Variants in CALCRL observed in about 807,000 individuals in gnomAD.
CALCRL encodes the protein calcitonin gene-related peptide type 1 receptor.
Under a neutral mutation model 60.4 loss-of-function variants are expected in CALCRL, and 27 were observed. The observed-to-expected ratio is 0.45, with a 90% CI of 0.33 to 0.62. CALCRL has a LOEUF of 0.62. Among genes scored for constraint, CALCRL ranks in the 20% least tolerant of loss-of-function variants. The pLI is 0.03. For missense variants in CALCRL, 424 were observed against 540.7 expected, an observed-to-expected ratio of 0.78 and a Z score of 2.14; for synonymous variants, 190 against 182.6, an observed-to-expected ratio of 1.04 and a Z score of -0.33.
intron 9 of CALCRL, among the ~76,000 whole-genome samples, chr2:187,361,635 AG>A (rs1188502827): frequency 6.6e-6 from 1 of 152,032 alleles, no homozygotes; most frequent in Non-Finnish European, 1.5e-5. Context: ...GCATCTGCAT[AG>A]GAGTCAGCCT....
rs1686266683 is a variant in CALCRL, at chr2:187,346,311, G to A, written c.1259C>T (p.Ser420Phe). The change falls in exon 15 of 15, where the codon TCT becomes TTT. Residue 420 changes from serine (S) to phenylalanine (F), a missense_variant. Physicochemically the swap from Ser to Phe is radical, Grantham distance 155. Transcript: ENST00000392370. ...FSNSEALRSASYTVSTISDGP... is the reference protein window; with the variant it reads ...FSNSEALRSAFYTVSTISDGP... ...ATCACTGATTGTTGACACTGTGTAAGACGCACTACGAAGAGCTTCTGAGTT... is the reference window on the plus strand; with the variant it reads ...ATCACTGATTGTTGACACTGTGTAAAACGCACTACGAAGAGCTTCTGAGTT... 2 of 1,612,416 alleles carry A rather than the reference G, an allele frequency of 1.2e-6. No individual in the cohort carries two copies. Among genetic ancestry groups the A allele is most frequent in the African/African-American group, 1.3e-5 (1 of 74,806 alleles).
rs918528011 is a variant in CALCRL at position 187,345,929 on chromosome 2, T to C, written c.*255A>G. On this transcript the variant is annotated 3_prime_UTR_variant, in exon 15 of 15. Coordinates refer to ENST00000392370, the MANE Select transcript of CALCRL (RefSeq NM_005795.6). ...TGCTTTTCTCCAATTCCACACTTGG[T>C]GATGTCAGGTTAGTAGCGTCACATC... 9.8e-6 allele frequency: 3 copies of C among 304,818 alleles called. No individual in the cohort carries two copies. Among genetic ancestry groups the C allele is most frequent in the Middle Eastern group, 9.1e-4 (1 of 1,094 alleles). The allele number at this position is 304,818 out of a possible 1,614,324, so 18.9% of individuals were successfully genotyped here. A position where few individuals can be genotyped will look rare whatever the true frequency, so the allele number is the denominator to read the frequency against.
Position 187,343,108 on chromosome 2 carries a change from C to A in CALCRL, c.*3076G>T, listed in dbSNP as rs533412187. ...AGTTGGATTTTTTTAGTTTGAAAAA[C>A]AAATCATGACTTTTTCTTAATTGGT... On this transcript the variant is annotated 3_prime_UTR_variant, in exon 15 of 15. Transcript: ENST00000392370. The A allele has an allele frequency of 3.3e-5, 5 of 151,330 alleles. No homozygotes were observed. In the East Asian group the frequency reaches 9.7e-4, roughly 29 times the overall value. The allele number at this position is 151,330 out of a possible 1,614,324, so 9.4% of individuals were successfully genotyped here.
At chr2:187,349,400 C>T (rs1175085745) in intron 14 of CALCRL, among the ~76,000 whole-genome samples, 1 of 151,450 alleles carries the variant, frequency 6.6e-6, no homozygotes, top group African/African-American at 2.4e-5. Flanking sequence ...ATGTGGAAAA[C>T]AAGAAGGAAA....
chr2:187,382,844 A>T (rs1688035971), intron 5 of CALCRL, among the ~76,000 whole-genome samples: 1 of 152,130 alleles, frequency 6.6e-6, no homozygotes, highest in South Asian at 2.1e-4. Flanking sequence ...TAAAAAAAAA[A>T]GAAATACACA....
chr2:187,438,526 A>G (rs986071953), intron 1 of CALCRL, among the ~76,000 whole-genome samples: 8 of 151,900 alleles, frequency 5.3e-5, no homozygotes, highest in Non-Finnish European at 8.8e-5. Flanking sequence ...CTTTCCCTCA[A>G]TTTCATTGCT....
At chr2:187,373,712 AT>A (rs1687627281) in intron 8 of CALCRL, among the ~76,000 whole-genome samples, 1 of 152,228 alleles carries the variant, frequency 6.6e-6, no homozygotes, top group Non-Finnish European at 1.5e-5. Context: ...CACTGCCATT[AT>A]CTCAGCCTTT....
chr2:187,397,272 T>TA (rs1015238731), intron 1 of CALCRL, among the ~76,000 whole-genome samples: 8 of 151,696 alleles, frequency 5.3e-5, no homozygotes, highest in African/African-American at 1.9e-4. Context: ...AGTTTTTTTT[T>TA]ATCTTCTGCA....
intron 1 of CALCRL, among the ~76,000 whole-genome samples, chr2:187,434,042 T>C (rs180847051): frequency 5.1e-4 from 77 of 152,206 alleles, no homozygotes; most frequent in African/African-American, 1.8e-3. Context: ...ACACCCTGAA[T>C]AGAATTATTC....
chr2:187,444,324 C>T (rs992710913), intron 1 of CALCRL, among the ~76,000 whole-genome samples: 13 of 151,476 alleles, frequency 8.6e-5, no homozygotes, highest in Non-Finnish European at 1.5e-4. Context: ...AAATATAAAA[C>T]TATAGCCCCA....
At position 187,407,548 on chromosome 2, in the gene CALCRL, A is replaced by G. The variant is rs552846681; in HGVS notation, c.-292-19792T>C. Reference sequence around the variant, plus strand: ...ATTTCTTTTAATTCAGAAATAATGCATATTCAAAATTTTAGTAGTGCATTT... The same window carrying G: ...ATTTCTTTTAATTCAGAAATAATGCGTATTCAAAATTTTAGTAGTGCATTT... On this transcript the variant is annotated intron_variant, in intron 1 of 14. Transcript: ENST00000392370. Among the ~76,000 whole-genome samples the G allele has an allele frequency of 2.8e-4, 43 of 152,282 alleles. No homozygotes were observed. In the South Asian group the frequency reaches 8.1e-3, roughly 29 times the overall value.
At chr2:187,361,609 C>A (rs1208453156) in intron 9 of CALCRL, among the ~76,000 whole-genome samples, 8 of 151,822 alleles carry the variant, frequency 5.3e-5, no homozygotes, top group African/African-American at 1.9e-4. Flanking sequence ...TGGGTCATCA[C>A]AGAATAGTAA....
intron 1 of CALCRL, among the ~76,000 whole-genome samples, chr2:187,414,888 TTAAA>T (rs896312272): frequency 3.4e-4 from 9 of 26,284 alleles, no homozygotes; most frequent in Admixed American, 6.7e-4. Context: ...TTTTTTTTTT[TTAAA>T]AAAAAAAAGG....
chr2:187,397,354 T>C (rs1688705709), intron 1 of CALCRL, among the ~76,000 whole-genome samples: 1 of 151,542 alleles, frequency 6.6e-6, no homozygotes, highest in Non-Finnish European at 1.5e-5. Flanking sequence ...GAATTGTAAG[T>C]ATATTCCCAG....
Position 187,380,799 on chromosome 2 carries a change from A to G in CALCRL, c.185-12T>C, listed in dbSNP as rs1423406860. The G allele has an allele frequency of 6.3e-7, 1 of 1,594,080 alleles. No homozygotes were observed. The highest frequency in any genetic ancestry group is 1.7e-5 in the Admixed American group (1 of 59,598). ...GTTGCAGTAAACGCCTTAGTGGGGA[A>G]ATAATAATTGGGGATAATTAAATCC... On this transcript the variant is annotated splice_polypyrimidine_tract_variant and intron_variant, in intron 5 of 14. Transcript: ENST00000392370.
chr2:187,380,845 A>G (rs1687955995), intron 5 of CALCRL, 58 bp from the exon 6 acceptor site: 3 of 1,367,478 alleles, frequency 2.2e-6, no homozygotes, highest in Non-Finnish European at 1.0e-6. Flanking sequence ...ACATGAAGAC[A>G]TAGTTTTAAA....
intron 8 of CALCRL, among the ~76,000 whole-genome samples, chr2:187,376,269 T>A (rs943806375): frequency 5.9e-5 from 9 of 152,148 alleles, no homozygotes; most frequent in African/African-American, 2.2e-4. Context: ...ATTGAGCTAT[T>A]TTTTTCTCTG....
intron 1 of CALCRL, among the ~76,000 whole-genome samples, chr2:187,426,329 G>A (rs980023784): frequency 1.3e-5 from 2 of 150,430 alleles, no homozygotes; most frequent in African/African-American, 2.4e-5. Flanking sequence ...GCTCTAAAAT[G>A]TTTTGCAACA....
intron 5 of CALCRL, among the ~76,000 whole-genome samples, chr2:187,381,105 T>C (rs1010125876): frequency 1.3e-5 from 2 of 152,156 alleles, no homozygotes; most frequent in African/African-American, 4.8e-5. Context: ...ATGTAGTGAT[T>C]AGCGTCCCTA....
Sources: allele counts gnomAD v4.1 joint callset (sites outside exome capture counted in the v4.1 genomes callset), GRCh38; gene constraint gnomAD v4.1.1; transcripts MANE v1.5; gene names NCBI Gene and HGNC (gene_info 2026-07-23, HGNC 2026-07-21).